CCNF: variants seen among roughly 807,000 people sequenced by gnomAD.
CCNF encodes the protein cyclin F, also known as cyclin-F.
A neutral mutation model predicts 85.4 loss-of-function variants in CCNF; 30 were observed. The ratio of observed to expected loss-of-function variants is 0.35; its 90% CI spans 0.26 to 0.48. The LOEUF is 0.48. Ranked by LOEUF, CCNF falls within the 20% of genes least tolerant of loss-of-function variation. CCNF has a pLI of 0.99. For synonymous variants in CCNF, 439 were observed against 425.1 expected (o/e 1.03, Z -0.40); for missense variants, 919 against 1,010.4 (o/e 0.91, Z 1.23).
intron 5 of CCNF, 62 bp downstream of exon 5, chr16:2,437,384 A>C: frequency 7.6e-7 from 1 of 1,315,356 alleles, no homozygotes; most frequent in South Asian, 1.5e-5. Context: ...ACACAGGAAG[A>C]CCCCGAGGGT....
chr16:2,453,804 C>T lies in CCNF; in HGVS notation c.1715+267C>T, dbSNP rs571305213. Among the ~76,000 whole-genome samples the T allele has an allele frequency of 7.9e-5, 12 of 152,294 alleles. No individual in the cohort carries two copies. The South Asian group carries it at 2.1e-3, about 26-fold the overall frequency. ...CTGTGGAGGAAGATGGTTTCGAGCA[C>T]GCGGGAGCCTAGCCTGGCTCTAGCC... On this transcript the variant is annotated intron_variant, in intron 15 of 16. Transcript: ENST00000397066. The surrounding 1 kb of genome is among the most constrained non-coding windows in gnomAD (Gnocchi z 5.6).
At chr16:2,434,134 T>C (rs898313066) in intron 3 of CCNF, among the ~76,000 whole-genome samples, 7 of 151,616 alleles carry the variant, frequency 4.6e-5, no homozygotes, top group Admixed American at 1.3e-4. Context: ...GGCAAAACCC[T>C]GTCTCTATTA....
chr16:2,457,529 TC>T lies in CCNF; in HGVS notation c.*511del, dbSNP rs1171251782. 6.4e-6 allele frequency: 1 copy of T among 155,250 alleles called. No homozygotes were observed. Among genetic ancestry groups the T allele is most frequent in the Non-Finnish European group, 1.4e-5 (1 of 70,046 alleles). 9.6% of individuals were successfully genotyped at this position (155,250 alleles called of 1,614,324 possible). On this transcript the variant is annotated 3_prime_UTR_variant, in exon 17 of 17. Transcript: ENST00000397066. Reference sequence around the variant, plus strand: ...CCTCGGCCTGCATGGGGCACCCACTTCCTTCTGGGTGGGGCTTCCATGGTAA... The same window carrying T: ...CCTCGGCCTGCATGGGGCACCCACTTCTTCTGGGTGGGGCTTCCATGGTAA...
chr16:2,437,140 G>T lies in CCNF; in HGVS notation c.358G>T (p.Asp120Tyr). The change falls in exon 5 of 17, where the codon GAT becomes TAT. Residue 120 changes from aspartate (D) to tyrosine (Y), a missense_variant. This residue lies in a region of CCNF where 410 missense variants were observed against 478.6 expected (regional missense o/e 0.86). Coordinates refer to ENST00000397066, the MANE Select transcript of CCNF (RefSeq NM_001761.3). Reference sequence around the variant, plus strand: ...GTCTGTCCCCGCAGTGTCTGTGTCTGATGAGGCCCGCGCAGAAGTGAATGG... The same window carrying T: ...GTCTGTCCCCGCAGTGTCTGTGTCTTATGAGGCCCGCGCAGAAGTGAATGG... ...YLYNEGLSVS[D>Y]EARAEVNGLK... is the part of the protein sequence containing the mutation. 1 of 1,595,488 alleles carries T rather than the reference G, an allele frequency of 6.3e-7. No individual in the cohort carries two copies. Among genetic ancestry groups the T allele is most frequent in the Non-Finnish European group, 8.6e-7 (1 of 1,166,590 alleles).
intron 1 of CCNF, among the ~76,000 whole-genome samples, chr16:2,429,806 G>A (rs2065253849): frequency 6.6e-6 from 1 of 151,770 alleles, no homozygotes. Context: ...GGCGGCGATC[G>A]GGTCTCGGGG....
At position 2,435,879 on chromosome 16, in the gene CCNF, T is replaced by C. The variant is rs2065288436; in HGVS notation, c.346+6T>C. On this transcript the variant is annotated splice_donor_region_variant and intron_variant, in intron 4 of 16. Transcript: ENST00000397066. ...CTACCTCTACAATGAAGGCCGTAAG[T>C]CCTCACCCCACCTGCATGTTGGCGC... 1 of 1,609,210 alleles carries C rather than the reference T, an allele frequency of 6.2e-7. No homozygotes were observed. The highest frequency in any genetic ancestry group is 1.3e-5 in the African/African-American group (1 of 74,752).
chr16:2,452,311 G>A lies in CCNF; in HGVS notation c.1488-899G>A, dbSNP rs534910480. ...CACAGGGGACCTGGTGGCATCTCCC[G>A]GGCTTTGGCATGTGCTGCTGCTCAT... On this transcript the variant is annotated intron_variant, in intron 13 of 16. Coordinates refer to ENST00000397066, the MANE Select transcript of CCNF (RefSeq NM_001761.3). The surrounding 1 kb of genome is among the most constrained non-coding windows in gnomAD (Gnocchi z 4.1). 4.6e-5 allele frequency among the ~76,000 whole-genome samples: 7 copies of A among 152,242 alleles called. No homozygotes were observed. The highest frequency in any genetic ancestry group is 6.8e-3 in the Middle Eastern group (2 of 294).
chr16:2,453,351 G>A lies in CCNF; in HGVS notation c.1587+42G>A, dbSNP rs368886262. The A allele has an allele frequency of 7.4e-6, 12 of 1,613,624 alleles. No individual in the cohort carries two copies. The African/African-American group carries it at 1.6e-4, about 22-fold the overall frequency. Reference sequence around the variant, plus strand: ...ACCTGGGCGTCTCATGGGGTGCTGGGGTGTGGGCGGGCCTCACCCTCGGGG... The same window carrying A: ...ACCTGGGCGTCTCATGGGGTGCTGGAGTGTGGGCGGGCCTCACCCTCGGGG... On this transcript the variant is annotated intron_variant, in intron 14 of 16. Transcript: ENST00000397066. The surrounding 1 kb of genome is among the most constrained non-coding windows in gnomAD (Gnocchi z 5.6).
chr16:2,441,232 CA>C (rs1206876675), intron 8 of CCNF, among the ~76,000 whole-genome samples: 122 of 142,164 alleles, frequency 8.6e-4, no homozygotes, highest in Admixed American at 1.3e-3. Flanking sequence ...TACTCCATCT[CA>C]AAAAAAAAAA....
intron 3 of CCNF, 82 bp downstream of exon 3, chr16:2,433,149 C>T (rs2065271121): frequency 1.2e-5 from 10 of 832,612 alleles, no homozygotes; most frequent in Non-Finnish European, 1.6e-5. Context: ...CGGCCTGATT[C>T]AGCAACGATT....
In CCNF at chr16:2,453,404, C is replaced by A. The variant is rs1199503510; in HGVS notation, c.1588-6C>A. The A allele has an allele frequency of 6.2e-7, 1 of 1,613,932 alleles. No individual in the cohort carries two copies. The highest frequency in any genetic ancestry group is 1.3e-5 in the African/African-American group (1 of 75,002). On this transcript the variant is annotated splice_region_variant and splice_polypyrimidine_tract_variant and intron_variant, in intron 14 of 16. Coordinates refer to ENST00000397066, the MANE Select transcript of CCNF (RefSeq NM_001761.3). The surrounding 1 kb of genome is among the most constrained non-coding windows in gnomAD (Gnocchi z 5.6). ...TCTGCACCCCCTAACTCTAGCTTCCCCTCAGGTGCTGAGCTACAGCCAGTT... is the reference window on the plus strand; with the variant it reads ...TCTGCACCCCCTAACTCTAGCTTCCACTCAGGTGCTGAGCTACAGCCAGTT...
chr16:2,430,527 A>G (rs989802710), intron 1 of CCNF, among the ~76,000 whole-genome samples: 2 of 152,024 alleles, frequency 1.3e-5, no homozygotes, highest in Admixed American at 1.3e-4. Context: ...CTGAGCAACA[A>G]CCTTACTGCG....
chr16:2,456,888 CAGGA>C lies in CCNF; in HGVS notation c.2232_2235del (p.Arg744SerfsTer21). ...ACACACAGCCCTGCCACCATCAGGC[CAGGA>C]AGTCATGTTTACAGTGTCGTCCCCC... On this transcript the variant is annotated frameshift_variant, in exon 17 of 17. Coordinates refer to ENST00000397066, the MANE Select transcript of CCNF (RefSeq NM_001761.3). LOFTEE classifies it low-confidence loss of function (END_TRUNC). The surrounding 1 kb of genome is among the most constrained non-coding windows in gnomAD (Gnocchi z 4.5). The C allele has an allele frequency of 6.2e-7, 1 of 1,614,180 alleles. No individual in the cohort carries two copies. Among genetic ancestry groups the C allele is most frequent in the South Asian group, 1.1e-5 (1 of 91,082 alleles).
Position 2,453,499 on chromosome 16 carries a change from C to G in CCNF, c.1677C>G (p.His559Gln), listed in dbSNP as rs555465125. 4 of 1,614,072 alleles carry G rather than the reference C, an allele frequency of 2.5e-6. No homozygotes were observed. The Admixed American group carries it at 5.0e-5, about 20-fold the overall frequency. The change falls in exon 15 of 17, where the codon CAC (histidine) becomes CAG (glutamine). Residue 559 changes from histidine to glutamine, a missense_variant. His to Gln is a conservative substitution (Grantham distance 24). Coordinates refer to ENST00000397066, the MANE Select transcript of CCNF (RefSeq NM_001761.3). This position sits in a 1 kb window ranked among gnomAD's most constrained non-coding sequence, Gnocchi z 5.6. ...CTTTCCTCAGCACAGGGGAGATCCA[C>G]GCCTTCCTCAGCTCTCCCTCGGGGC... The part of the protein sequence containing the change: ...PPTFLSTGEI[H>Q]AFLSSPSGRR...
At chr16:2,449,785 G>GTCCCCTCAA in intron 12 of CCNF, 43 bp from the exon 13 acceptor site, 1 of 653,730 alleles carries the variant, frequency 1.5e-6, no homozygotes. Flanking sequence ...CATCCCCTCC[G>GTCCCCTCAA]TCCCCTCCAT....
At chr16:2,447,949 T>G (rs996783480) in intron 10 of CCNF, among the ~76,000 whole-genome samples, 2 of 152,200 alleles carry the variant, frequency 1.3e-5, no homozygotes, top group African/African-American at 4.8e-5. Context: ...GAATGACGCA[T>G]GCAACCTGCA....
rs2065403035 is a variant in CCNF at position 2,452,954 on chromosome 16, C to T, written c.1488-256C>T. ...ATCCCGCAGCTGGTGGACATTTTGC[C>T]TATTGTGAACAGTCCTGCCATGAAC... On this transcript the variant is annotated intron_variant, in intron 13 of 16. Transcript: ENST00000397066. This position sits in a 1 kb window ranked among gnomAD's most constrained non-coding sequence, Gnocchi z 4.1. 1 of 533,500 alleles carries T rather than the reference C, an allele frequency of 1.9e-6. No homozygotes were observed. Among genetic ancestry groups the T allele is most frequent in the Non-Finnish European group, 3.4e-6 (1 of 296,762 alleles). The allele number at this position is 533,500 out of a possible 1,614,324, so 33.0% of individuals were successfully genotyped here.
rs900808037 is a variant in CCNF, at chr16:2,451,416, G to C, written c.1487+1501G>C. ...AAGCACGGGGCTGAATTTGTACCCG[G>C]CCAGCCATCTCCGTCTCCCCTCCTC... is the stretch of plus-strand genomic sequence containing the variant. On this transcript the variant is annotated intron_variant, in intron 13 of 16. Transcript: ENST00000397066. The surrounding 1 kb of genome is among the most constrained non-coding windows in gnomAD (Gnocchi z 4.3). Among the ~76,000 whole-genome samples the C allele has an allele frequency of 6.6e-6, 1 of 152,100 alleles. No individual in the cohort carries two copies. The highest frequency in any genetic ancestry group is 2.4e-5 in the African/African-American group (1 of 41,416).
chr16:2,439,393 AG>A lies in CCNF; in HGVS notation c.637del (p.Ala213LeufsTer7). On this transcript the variant is annotated frameshift_variant, in exon 7 of 17. Coordinates refer to ENST00000397066, the MANE Select transcript of CCNF (RefSeq NM_001761.3). LOFTEE classifies it high-confidence loss of function. ...CAGCAGGCCCATGACCTGTTTGAGG[AG>A]GCTGCTCATCAGGGATGTCTGACCA... is the stretch of plus-strand genomic sequence containing the variant. ...KQQQAHDLFE[E>X]AAHQGCLTSS... is the part of the protein sequence containing the mutation. 1 of 1,610,440 alleles carries A rather than the reference AG, an allele frequency of 6.2e-7. No individual in the cohort carries two copies. The highest frequency in any genetic ancestry group is 8.5e-7 in the Non-Finnish European group (1 of 1,178,780).
Sources: allele counts gnomAD v4.1 joint callset (sites outside exome capture counted in the v4.1 genomes callset), GRCh38; gene constraint gnomAD v4.1.1; regional missense constraint gnomAD v4.1.1; non-coding constraint Gnocchi (gnomAD v3.1); transcripts MANE v1.5; gene names NCBI Gene and HGNC (gene_info 2026-07-23, HGNC 2026-07-21).